Variants in RBFOX1 observed in about 807,000 individuals in gnomAD.
The protein encoded by RBFOX1 is RNA binding protein fox-1 homolog 1.
In RBFOX1, 8 loss-of-function variants were observed where a neutral mutation model predicts 57.7. The observed-to-expected ratio is 0.14, with a 90% CI of 0.08 to 0.25. The LOEUF is 0.25. RBFOX1 is among the 10% of genes least tolerant of loss of function. RBFOX1 has a pLI of 1.00. For synonymous variants in RBFOX1, 326 were observed against 222.4 expected (o/e 1.47, Z -4.15); for missense variants, 611 against 548.5 (o/e 1.11, Z -1.14).
chr16:7,027,648 A>T (rs1023857685), intron 3 of RBFOX1, among the ~76,000 whole-genome samples: 5 of 152,212 alleles, frequency 3.3e-5, no homozygotes, highest in Non-Finnish European at 5.9e-5. Context: ...AACTTTCATT[A>T]TTCAGCTTTC....
chr16:7,319,110 G>C (rs892133106), intron 4 of RBFOX1, among the ~76,000 whole-genome samples: 14 of 152,006 alleles, frequency 9.2e-5, no homozygotes, highest in Admixed American at 6.6e-4. Flanking sequence ...AAATCCTTCA[G>C]TTCCCTTTTG....
At chr16:6,753,261 A>G (rs770128033) in intron 3 of RBFOX1, among the ~76,000 whole-genome samples, 9 of 152,212 alleles carry the variant, frequency 5.9e-5, no homozygotes, top group Non-Finnish European at 1.3e-4. Context: ...TGCCAGTAGT[A>G]GAATATAGGT....
chr16:7,038,642 G>A (rs996375982), intron 3 of RBFOX1, among the ~76,000 whole-genome samples: 2 of 152,136 alleles, frequency 1.3e-5, no homozygotes, highest in Non-Finnish European at 2.9e-5. Flanking sequence ...TTCAAGACCA[G>A]CATCAAGCCT....
intron 3 of RBFOX1, among the ~76,000 whole-genome samples, chr16:5,651,456 GA>G (rs2049238959): frequency 6.6e-6 from 1 of 152,140 alleles, no homozygotes; most frequent in African/African-American, 2.4e-5. Context: ...GACACACACA[GA>G]ATCCTGCCCC....
intron 1 of RBFOX1, among the ~76,000 whole-genome samples, chr16:5,339,510 T>C (rs1402079545): frequency 1.7e-5 from 2 of 120,114 alleles, no homozygotes; most frequent in East Asian, 4.7e-4. Context: ...TGAGATGGAG[T>C]CTTGCTGGGT....
chr16:7,400,910 A>C (rs1334830946), intron 4 of RBFOX1, among the ~76,000 whole-genome samples: 1 of 152,202 alleles, frequency 6.6e-6, no homozygotes, highest in East Asian at 1.9e-4. Flanking sequence ...TTTGCAACTA[A>C]AGAAGCAAAA....
At chr16:5,254,658 A>C (rs560105711) in intron 1 of RBFOX1, among the ~76,000 whole-genome samples, 3 of 152,038 alleles carry the variant, frequency 2.0e-5, no homozygotes, top group Non-Finnish European at 2.9e-5. Flanking sequence ...CCTGCTTCCC[A>C]CCTGCATCCC....
intron 3 of RBFOX1, among the ~76,000 whole-genome samples, chr16:6,780,167 AT>A (rs1194345792): frequency 2.6e-5 from 1 of 38,018 alleles, no homozygotes; most frequent in Non-Finnish European, 3.6e-5. Flanking sequence ...ATATTTATAT[AT>A]TTTTATATAT....
At chr16:5,554,688 C>T (rs1448894743) in intron 2 of RBFOX1, among the ~76,000 whole-genome samples, 5 of 152,144 alleles carry the variant, frequency 3.3e-5, no homozygotes. Context: ...GTATTGCAAC[C>T]TATTCCCAGA....
intron 3 of RBFOX1, among the ~76,000 whole-genome samples, chr16:5,806,276 T>G (rs1414624953): frequency 6.6e-6 from 1 of 152,174 alleles, no homozygotes. Flanking sequence ...TTCTCACAGT[T>G]CTGGAGGCTG....
intron 2 of RBFOX1, among the ~76,000 whole-genome samples, chr16:5,589,404 A>G (rs1395987473): frequency 6.6e-6 from 1 of 152,142 alleles, no homozygotes; most frequent in Non-Finnish European, 1.5e-5. Flanking sequence ...TCTGAATCCA[A>G]TTTACTCACC....
intron 4 of RBFOX1, among the ~76,000 whole-genome samples, chr16:7,366,551 T>A (rs549086836): frequency 6.6e-6 from 1 of 152,154 alleles, no homozygotes; most frequent in Non-Finnish European, 1.5e-5. Context: ...GGTCCAACCA[T>A]GGAGGCTGCC....
chr16:7,062,893 A>ATTTTTTTTTTTTTTTTTTTTTTTTTTT (rs1170936027), intron 4 of RBFOX1, among the ~76,000 whole-genome samples: 1 of 47,252 alleles, frequency 2.1e-5, no homozygotes, highest in African/African-American at 9.2e-5. Context: ...AATGATCGCC[A>ATTTTTTTTTTTTTTTTTTTTTTTTTTT]TTTTTTTTTT....
At chr16:7,039,520 AC>A (rs1278370050) in intron 3 of RBFOX1, among the ~76,000 whole-genome samples, 1 of 152,034 alleles carries the variant, frequency 6.6e-6, no homozygotes, top group East Asian at 1.9e-4. Flanking sequence ...TTTTGTTTTT[AC>A]TTTTTTAATT....
intron 2 of RBFOX1, among the ~76,000 whole-genome samples, chr16:6,468,059 T>C (rs2095091122): frequency 6.6e-6 from 1 of 152,010 alleles, no homozygotes; most frequent in Admixed American, 6.6e-5. Context: ...GGGAGATGGA[T>C]GGTTTGGGGG....
intron 4 of RBFOX1, among the ~76,000 whole-genome samples, chr16:7,091,999 T>A (rs182319859): frequency 4.7e-4 from 71 of 152,302 alleles, no homozygotes; most frequent in African/African-American, 1.7e-3. Context: ...ACAATACACG[T>A]GCCCTTTGTA....
chr16:5,893,570 G>A (rs1043606651), intron 4 of RBFOX1, among the ~76,000 whole-genome samples: 2 of 152,160 alleles, frequency 1.3e-5, no homozygotes, highest in Admixed American at 1.3e-4. Context: ...CCTTTGGTAG[G>A]CTGAGGCGGG....
intron 4 of RBFOX1, among the ~76,000 whole-genome samples, chr16:7,124,367 T>A (rs898498825): frequency 6.6e-6 from 1 of 152,116 alleles, no homozygotes; most frequent in Non-Finnish European, 1.5e-5. Context: ...TAAGCCAAGA[T>A]CACAGCACTG....
intron 4 of RBFOX1, among the ~76,000 whole-genome samples, chr16:7,160,997 A>T (rs1371352414): frequency 6.6e-6 from 1 of 151,890 alleles, no homozygotes; most frequent in East Asian, 1.9e-4. Context: ...CTAACCCTTT[A>T]TTTTCTCTTT....
Sources: allele counts gnomAD v4.1 joint callset (sites outside exome capture counted in the v4.1 genomes callset), GRCh38; gene constraint gnomAD v4.1.1; transcripts MANE v1.5; gene names NCBI Gene and HGNC (gene_info 2026-07-23, HGNC 2026-07-21).